Variants in SH3D19 observed in about 807,000 individuals in gnomAD.
SH3D19 encodes the protein SH3 domain containing 19.
SH3D19 carries 58 observed loss-of-function variants against 112.1 expected under a neutral mutation model. The ratio of observed to expected loss-of-function variants is 0.52; its 90% CI spans 0.42 to 0.64. SH3D19 has a LOEUF of 0.64. Among genes scored for constraint, SH3D19 ranks in the 30% least tolerant of loss-of-function variants. SH3D19 has a pLI of 0.00. For missense variants in SH3D19, 1,090 were observed against 1,263.4 expected (o/e 0.86, Z 2.08); for synonymous variants, 391 against 448.5 (o/e 0.87, Z 1.62).
intron 2 of SH3D19, among the ~76,000 whole-genome samples, chr4:151,205,893 G>A (rs866816721): frequency 9.2e-5 from 14 of 152,324 alleles, no homozygotes; most frequent in Middle Eastern, 3.4e-3. Flanking sequence ...GCTGGTAAAT[G>A]GTGAAGTCAG....
At chr4:151,194,813 T>G (rs943561396) in intron 2 of SH3D19, among the ~76,000 whole-genome samples, 7 of 151,784 alleles carry the variant, frequency 4.6e-5, no homozygotes, top group Admixed American at 6.6e-5. Context: ...CAGCTGGGCA[T>G]GGAGGCTCAC....
Position 151,121,167 on chromosome 4 carries a change from G to T in SH3D19, c.*924C>A, listed in dbSNP as rs1747928997. 2 of 152,558 alleles carry T rather than the reference G, an allele frequency of 1.3e-5. No individual in the cohort carries two copies. The highest frequency in any genetic ancestry group is 1.3e-4 in the Admixed American group (2 of 15,276). 9.5% of individuals were successfully genotyped at this position (152,558 alleles called of 1,614,324 possible). ...GGCACTGTTTTCCATCTTAACAGTT[G>T]TTCTGTATTGTAAGATTTTATATGT... is the stretch of plus-strand genomic sequence containing the variant. On this transcript the variant is annotated 3_prime_UTR_variant, in exon 20 of 20. Coordinates refer to ENST00000604030, the MANE Select transcript of SH3D19 (RefSeq NM_001378122.1).
At chr4:151,224,941 A>G (rs149952395) in intron 2 of SH3D19, among the ~76,000 whole-genome samples, 2 of 152,330 alleles carry the variant, frequency 1.3e-5, no homozygotes, top group Non-Finnish European at 2.9e-5. Flanking sequence ...TATCAAAACT[A>G]GTAAGATTAT....
At chr4:151,179,584 T>C (rs531218171) in intron 3 of SH3D19, among the ~76,000 whole-genome samples, 187 bp from the exon 4 acceptor site, 134 of 152,332 alleles carry the variant, frequency 8.8e-4, no homozygotes, top group Non-Finnish European at 1.2e-3. Context: ...ATTATGGTTA[T>C]ATATTAGAGA....
At chr4:151,176,375 T>C (rs1427275741) in intron 6 of SH3D19, 159 bp downstream of exon 6, 18 of 476,810 alleles carry the variant, frequency 3.8e-5, no homozygotes, top group Non-Finnish European at 4.7e-5. Context: ...TAATCATCAC[T>C]GCACACCCAA....
chr4:151,201,101 C>A (rs900934840), intron 2 of SH3D19, among the ~76,000 whole-genome samples: 1 of 152,120 alleles, frequency 6.6e-6, no homozygotes, highest in South Asian at 2.1e-4. Context: ...TTAAAAATTG[C>A]TATAGCAAAC....
At chr4:151,266,376 C>T (rs998213857) in intron 1 of SH3D19, 1 of 152,158 alleles carries the variant, frequency 6.6e-6, no homozygotes, top group African/African-American at 2.4e-5. Flanking sequence ...GAAAAGTGGT[C>T]TTTCAGTTTT....
Position 151,260,666 on chromosome 4 carries a change from C to T in SH3D19, c.113-34580G>A, listed in dbSNP as rs554419295. On this transcript the variant is annotated intron_variant, in intron 1 of 19. Coordinates refer to ENST00000604030, the MANE Select transcript of SH3D19 (RefSeq NM_001378122.1). ...TTGAATCCCCCAGCGGTTGCCCAGG[C>T]ACCTATAATAAAACCCAAATGACAC... is the stretch of plus-strand genomic sequence containing the variant. 2.0e-5 allele frequency among the ~76,000 whole-genome samples: 3 copies of T among 152,290 alleles called. No homozygotes were observed. In the South Asian group the frequency reaches 6.2e-4, roughly 32 times the overall value.
Position 151,294,968 on chromosome 4 carries a change from C to T in SH3D19, c.112+30273G>A, listed in dbSNP as rs112670802. ...AAGGACTAAAAAAGGAGAGAAGGTG[C>T]GGTCGAGTAAACAGCGAGTACAAAG... On this transcript the variant is annotated intron_variant, in intron 1 of 19. Transcript: ENST00000604030. Among the ~76,000 whole-genome samples the T allele has an allele frequency of 4.4e-3, 668 of 152,140 alleles. 1 individual carries two copies. The highest frequency in any genetic ancestry group is 7.6e-3 in the Non-Finnish European group (519 of 67,990).
intron 1 of SH3D19, 48 bp downstream of exon 1, chr4:151,325,193 G>C: frequency 1.8e-6 from 2 of 1,084,258 alleles, no homozygotes; most frequent in Non-Finnish European, 2.3e-6. Context: ...AGCGGCCCCA[G>C]AGCGCGCAGC....
At chr4:151,150,958 C>CTTTT (rs10714871) in intron 9 of SH3D19, among the ~76,000 whole-genome samples, 3 of 110,876 alleles carry the variant, frequency 2.7e-5, no homozygotes, top group Admixed American at 9.1e-5. Context: ...TCACAAAATT[C>CTTTT]TTTTTTTTTT....
At chr4:151,167,888 C>G (rs926243835) in intron 7 of SH3D19, among the ~76,000 whole-genome samples, 2 of 151,116 alleles carry the variant, frequency 1.3e-5, no homozygotes, top group Non-Finnish European at 3.0e-5. Flanking sequence ...ACCGGCTGCC[C>G]CGTCTGGGAA....
intron 1 of SH3D19, among the ~76,000 whole-genome samples, chr4:151,254,025 C>T (rs975232693): frequency 1.4e-4 from 21 of 152,134 alleles, no homozygotes; most frequent in Non-Finnish European, 2.2e-4. Context: ...ATAGAAGTGA[C>T]GCCCAGCTTT....
intron 2 of SH3D19, among the ~76,000 whole-genome samples, chr4:151,199,317 T>C (rs1280917815): frequency 6.6e-6 from 1 of 152,172 alleles, no homozygotes; most frequent in Non-Finnish European, 1.5e-5. Flanking sequence ...CAGTTCTGTT[T>C]TCAGGATATT....
rs373709661 is a variant in SH3D19, at chr4:151,174,757, T to C, written c.1447A>G (p.Ile483Val). 4 of 1,532,846 alleles carry C rather than the reference T, an allele frequency of 2.6e-6. No homozygotes were observed. Among genetic ancestry groups the C allele is most frequent in the Non-Finnish European group, 3.5e-6 (4 of 1,144,684 alleles). The allele number at this position is 1,532,846 out of a possible 1,614,324, so 95.0% of individuals were successfully genotyped here. ...TCATCATCAAAGCTGATGAGATCGA[T>C]GTCCACCAAGGGCTTGCTCTGCAGA... ...PVLQSKPLVDIDLISFDDDVL... is the reference protein window; with the variant it reads ...PVLQSKPLVDVDLISFDDDVL... The change falls in exon 7 of 20, where the codon ATC (isoleucine) becomes GTC (valine). Residue 483 changes from isoleucine (I) to valine (V), a missense_variant. Ile to Val is a conservative substitution (Grantham distance 29). Transcript: ENST00000604030.
intron 19 of SH3D19, among the ~76,000 whole-genome samples, chr4:151,126,788 ACT>A (rs1224648421): frequency 4.3e-5 from 6 of 140,920 alleles, no homozygotes; most frequent in Non-Finnish European, 6.1e-5. Flanking sequence ...ACAGAGCGAG[ACT>A]CTGTCTCAAA....
At chr4:151,210,643 C>T (rs879086414) in intron 2 of SH3D19, among the ~76,000 whole-genome samples, 27 of 152,114 alleles carry the variant, frequency 1.8e-4, no homozygotes, top group African/African-American at 5.8e-4. Flanking sequence ...CCTTGTGATC[C>T]GCCTGCCTCG....
chr4:151,272,673 C>T (rs2407220), intron 1 of SH3D19, among the ~76,000 whole-genome samples: 132,355 of 152,130 alleles, frequency 0.87, 58,484 homozygotes, highest in Non-Finnish European at 0.96. Context: ...ATTTGTCTAT[C>T]TACTTCCTTA....
intron 14 of SH3D19, among the ~76,000 whole-genome samples, chr4:151,135,388 T>C (rs1751590156): frequency 6.6e-6 from 1 of 150,516 alleles, no homozygotes; most frequent in Non-Finnish European, 1.5e-5. Context: ...CACATTAATA[T>C]CACTCTAATT....
Sources: allele counts gnomAD v4.1 joint callset (sites outside exome capture counted in the v4.1 genomes callset), GRCh38; gene constraint gnomAD v4.1.1; transcripts MANE v1.5; gene names NCBI Gene and HGNC (gene_info 2026-07-23, HGNC 2026-07-21).